Variants in KDM5A observed in about 807,000 individuals in gnomAD.
KDM5A encodes the protein lysine-specific demethylase 5A.
In KDM5A, 42 loss-of-function variants were observed where a neutral mutation model predicts 193.5. That is an observed-to-expected ratio of 0.22 (90% confidence interval 0.17 to 0.28). KDM5A has a LOEUF of 0.28. KDM5A is among the 10% of genes least tolerant of loss of function. The pLI is 1.00. For synonymous variants in KDM5A, 796 were observed against 718.1 expected, an observed-to-expected ratio of 1.11 and a Z score of -1.73; for missense variants, 1,692 against 2,055.1, an observed-to-expected ratio of 0.82 and a Z score of 3.42.
Position 310,945 on chromosome 12 carries a change from T to A in KDM5A, c.3156A>T (p.Ala1052=). Residue 1052 remains alanine, a synonymous_variant, in exon 21 of 28, where the codon GCA becomes GCT. Transcript: ENST00000399788. ...ACGTCCGCCCAGTCCGTTCTCTCCATGCCCGTGCTGCTGCTACCTGTGATT... is the reference window on the plus strand; with the variant it reads ...ACGTCCGCCCAGTCCGTTCTCTCCAAGCCCGTGCTGCTGCTACCTGTGATT... ...QVESQVAAAR[A]WRERTGRTFL... 6.2e-7 allele frequency: 1 copy of A among 1,614,252 alleles called. No individual in the cohort carries two copies. Among genetic ancestry groups the A allele is most frequent in the Non-Finnish European group, 8.5e-7 (1 of 1,180,042 alleles).
intron 6 of KDM5A, among the ~76,000 whole-genome samples, chr12:355,961 G>A (rs772538721): frequency 3.9e-5 from 6 of 152,194 alleles, no homozygotes; most frequent in Non-Finnish European, 5.9e-5. Flanking sequence ...ACGTGAAGCC[G>A]AGAGTAACAG....
intron 13 of KDM5A, among the ~76,000 whole-genome samples, chr12:330,460 A>G (rs1943851780): frequency 6.6e-6 from 1 of 152,150 alleles, no homozygotes; most frequent in Non-Finnish European, 1.5e-5. Flanking sequence ...CCAGCTAAAA[A>G]ACTTAGGCCC....
rs1943191340 is a variant in KDM5A, at chr12:284,321, T to C, written c.*1135A>G. ...ACATTTAGAAAAAAGTAAAAACAAG[T>C]CCTTTTTTTTTTTTAAAAATGGATT... is the stretch of plus-strand genomic sequence containing the variant. On this transcript the variant is annotated 3_prime_UTR_variant, in exon 28 of 28. Coordinates refer to ENST00000399788, the MANE Select transcript of KDM5A (RefSeq NM_001042603.3). The C allele has an allele frequency of 4.4e-6, 1 of 229,872 alleles. No individual in the cohort carries two copies. The highest frequency in any genetic ancestry group is 2.2e-5 in the African/African-American group (1 of 44,866). The allele number at this position is 229,872 out of a possible 1,614,324, so 14.2% of individuals were successfully genotyped here.
chr12:331,802 C>T lies in KDM5A; in HGVS notation c.1773+17G>A. On this transcript the variant is annotated intron_variant, in intron 13 of 27. Transcript: ENST00000399788. ...GGGGTTAGTAGACGTACAACAGCCA[C>T]TTGCTATAGAACAGACCCAGTCAGC... 6.2e-7 allele frequency: 1 copy of T among 1,613,830 alleles called. No individual in the cohort carries two copies. The highest frequency in any genetic ancestry group is 8.5e-7 in the Non-Finnish European group (1 of 1,179,800).
intron 8 of KDM5A, among the ~76,000 whole-genome samples, chr12:353,787 T>C (rs1333361319): frequency 2.0e-5 from 3 of 152,102 alleles, no homozygotes; most frequent in African/African-American, 7.2e-5. Flanking sequence ...CTGGGCGTGG[T>C]GGCTCGCGCC....
intron 24 of KDM5A, among the ~76,000 whole-genome samples, chr12:306,620 G>C (rs764059082): frequency 6.6e-6 from 1 of 151,834 alleles, no homozygotes; most frequent in Non-Finnish European, 1.5e-5. Flanking sequence ...GCATGCACCT[G>C]TAATTCCAGC....
rs1056243917 is a variant in KDM5A, at chr12:297,805, C to T, written c.4075-605G>A. Among the ~76,000 whole-genome samples the T allele has an allele frequency of 2.0e-5, 3 of 152,144 alleles. No individual in the cohort carries two copies. In the East Asian group the frequency reaches 5.8e-4, roughly 29 times the overall value. The stretch of plus-strand genomic sequence containing the variant: ...TTGGTCTGGTGAGTTACTCCATAAC[C>T]AGCTGCAGAAATTAACTCCCTTCTT... On this transcript the variant is annotated intron_variant, in intron 24 of 27. Coordinates refer to ENST00000399788, the MANE Select transcript of KDM5A (RefSeq NM_001042603.3).
rs781010803 is a variant in KDM5A at position 328,848 on chromosome 12, G to C, written c.1955C>G (p.Ser652Cys). 1 of 1,613,914 alleles carries C rather than the reference G, an allele frequency of 6.2e-7. No individual in the cohort carries two copies. Among genetic ancestry groups the C allele is most frequent in the African/African-American group, 1.3e-5 (1 of 75,054 alleles). Residue 652 changes from serine (S) to cysteine (C), a missense_variant, in exon 14 of 28, where the codon TCT becomes TGT. Ser to Cys is a moderately radical substitution (Grantham distance 112). Coordinates refer to ENST00000399788, the MANE Select transcript of KDM5A (RefSeq NM_001042603.3). ...MTEEETRLRE[S>C]VVQMGVLMSE... ...CAGCAAACTCACCATCTGTACAACA[G>C]ACTCTCTTAATCGTGTTTCTTCTTC...
intron 1 of KDM5A, among the ~76,000 whole-genome samples, chr12:386,934 T>A (rs1232293482): frequency 6.6e-6 from 1 of 152,060 alleles, no homozygotes; most frequent in African/African-American, 2.4e-5. Context: ...GTGTTTAAAC[T>A]AAAAAGGGTA....
Position 306,947 on chromosome 12 carries a change from T to G in KDM5A, c.4073A>C (p.Lys1358Thr), listed in dbSNP as rs752855159. Residue 1358 changes from lysine to threonine, a missense_variant and splice_region_variant, in exon 24 of 28, where the codon AAG becomes ACG. By Grantham distance (78) the Lys-to-Thr change is moderately conservative. Transcript: ENST00000399788. Reference sequence around the variant, plus strand: ...CACACAGCTTGTCCATGTAACTACCTTCATGTCGTAGCCATATGTCTCTCG... The same window carrying G: ...CACACAGCTTGTCCATGTAACTACCGTCATGTCGTAGCCATATGTCTCTCG... ...DIRETYGYDM[K>T]DTASVKSSSS... The G allele has an allele frequency of 6.2e-7, 1 of 1,613,708 alleles. No homozygotes were observed. Among genetic ancestry groups the G allele is most frequent in the Non-Finnish European group, 8.5e-7 (1 of 1,179,826 alleles).
At chr12:314,924 T>C (rs536472045) in intron 19 of KDM5A, among the ~76,000 whole-genome samples, 1 of 152,328 alleles carries the variant, frequency 6.6e-6, no homozygotes, top group South Asian at 2.1e-4. Context: ...AGATGACAGA[T>C]GGCCTTATAA....
Position 357,827 on chromosome 12 carries a change from CAAAA to C in KDM5A, c.673-1294_673-1291del, listed in dbSNP as rs61577928. On this transcript the variant is annotated intron_variant, in intron 5 of 27. Coordinates refer to ENST00000399788, the MANE Select transcript of KDM5A (RefSeq NM_001042603.3). ...TGGGCGACAGAGCAAGACTCAGTCT[CAAAA>C]AAAAAAAAAAAAAAAAAAAAAAAGC... is the stretch of plus-strand genomic sequence containing the variant. 4.4e-4 allele frequency among the ~76,000 whole-genome samples: 13 copies of C among 29,864 alleles called. 1 individual carries two copies. The highest frequency in any genetic ancestry group is 1.2e-3 in the African/African-American group (6 of 4,978). 19.6% of individuals were successfully genotyped at this position (29,864 alleles called of 152,430 possible).
Position 307,338 on chromosome 12 carries a change from T to A in KDM5A, c.3930+116A>T. On this transcript the variant is annotated intron_variant, in intron 23 of 27. Coordinates refer to ENST00000399788, the MANE Select transcript of KDM5A (RefSeq NM_001042603.3). This position sits in a 1 kb window ranked among gnomAD's most constrained non-coding sequence, Gnocchi z 4.3. ...GTATGTTGAAGGAGAATGCAATGGA[T>A]AATTGCTGACAAGTTACTGTTATTT... is the stretch of plus-strand genomic sequence containing the variant. The A allele has an allele frequency of 8.4e-7, 1 of 1,184,898 alleles. No individual in the cohort carries two copies. The highest frequency in any genetic ancestry group is 1.9e-5 in the Admixed American group (1 of 53,390). 73.4% of individuals were successfully genotyped at this position (1,184,898 alleles called of 1,614,324 possible).
chr12:349,156 G>A (rs774350216), intron 10 of KDM5A, among the ~76,000 whole-genome samples: 1 of 151,638 alleles, frequency 6.6e-6, no homozygotes. Context: ...AAGTAGCTAG[G>A]ATTACAGGCA....
chr12:342,367 C>A (rs1214800973), intron 10 of KDM5A, among the ~76,000 whole-genome samples: 1 of 152,170 alleles, frequency 6.6e-6, no homozygotes, highest in Non-Finnish European at 1.5e-5. Flanking sequence ...CGTGATAGAA[C>A]TGTATGTATA....
chr12:298,861 C>T (rs1943406222), intron 24 of KDM5A, among the ~76,000 whole-genome samples: 1 of 151,902 alleles, frequency 6.6e-6, no homozygotes, highest in Non-Finnish European at 1.5e-5. Context: ...CATAAATGAA[C>T]TGATGGAGCT....
chr12:339,455 A>G (rs763249689), intron 10 of KDM5A, among the ~76,000 whole-genome samples: 5 of 152,180 alleles, frequency 3.3e-5, no homozygotes, highest in Non-Finnish European at 5.9e-5. Flanking sequence ...TGAGTAAAAC[A>G]TTTTTGCTTA....
intron 3 of KDM5A, among the ~76,000 whole-genome samples, chr12:383,583 C>T (rs146679382): frequency 6.6e-6 from 1 of 151,932 alleles, no homozygotes; most frequent in African/African-American, 2.4e-5. Flanking sequence ...ACACTCAGCA[C>T]AAGATAACAT....
Position 305,713 on chromosome 12 carries a change from C to T in KDM5A, c.4074+1233G>A, listed in dbSNP as rs546644674. Among the ~76,000 whole-genome samples, 11 of 152,276 alleles carry T rather than the reference C, an allele frequency of 7.2e-5. No individual in the cohort carries two copies. In the East Asian group the frequency reaches 2.1e-3, roughly 29 times the overall value. On this transcript the variant is annotated intron_variant, in intron 24 of 27. Transcript: ENST00000399788. ...ACTAGGTTAAAAAGCAAAGGGCTTG[C>T]ACCTGACAAAAAGGGCTAACGAAAA...
Sources: gnomAD v4.1 joint callset for allele counts (sites outside exome capture counted in the v4.1 genomes callset) on GRCh38, gnomAD v4.1.1 for gene constraint, Gnocchi (gnomAD v3.1) non-coding constraint, MANE v1.5 for transcripts, NCBI Gene and HGNC (gene_info 2026-07-23, HGNC 2026-07-21) for gene names.